The following CCT6B variants were observed in gnomAD, a reference collection of about 807,000 sequenced individuals.
The protein encoded by CCT6B is probable T-complex protein 1 subunit zeta-2.
Under a neutral mutation model 61.5 loss-of-function variants are expected in CCT6B, and 49 were observed. The ratio of observed to expected loss-of-function variants is 0.80; its 90% CI spans 0.63 to 1.01. The LOEUF (loss-of-function observed/expected upper bound fraction) is 1.01. Ranked by LOEUF, CCT6B falls within the 50% of genes least tolerant of loss-of-function variation. The pLI is 0.00. For synonymous variants in CCT6B, 228 were observed against 214.5 expected (o/e 1.06, Z -0.55); for missense variants, 666 against 634.7 (o/e 1.05, Z -0.53).
intron 7 of CCT6B, among the ~76,000 whole-genome samples, 170 bp from the exon 8 acceptor site, chr17:34,940,791 A>T (rs2142151369): frequency 6.6e-6 from 1 of 152,232 alleles, no homozygotes; most frequent in African/African-American, 2.4e-5. Context: ...AGAAATTTTT[A>T]AAATATTTAT....
chr17:34,941,874 G>A (rs948548715), intron 7 of CCT6B, among the ~76,000 whole-genome samples: 6 of 151,918 alleles, frequency 3.9e-5, no homozygotes, highest in South Asian at 4.1e-4. Flanking sequence ...CAGCCTCTAC[G>A]AAAAAACTTA....
intron 2 of CCT6B, among the ~76,000 whole-genome samples, chr17:34,959,283 T>C (rs1033644473): frequency 1.3e-5 from 2 of 149,626 alleles, no homozygotes; most frequent in Non-Finnish European, 3.0e-5. Context: ...GTCACCACAC[T>C]GAGCAAAATT....
chr17:34,957,186 C>T (rs1387401163), intron 3 of CCT6B, among the ~76,000 whole-genome samples: 1 of 147,688 alleles, frequency 6.8e-6, no homozygotes, highest in African/African-American at 2.5e-5. Flanking sequence ...CTCTTGTTGC[C>T]CAGGCTAGAG....
In CCT6B at chr17:34,931,063, A is replaced by T; in HGVS notation, c.1348-12T>A. ...TTCTGAGCAAGAACCTTTAGGAATA[A>T]AAATAATAATATATATTATATATAT... On this transcript the variant is annotated splice_polypyrimidine_tract_variant and intron_variant, in intron 11 of 13. Transcript: ENST00000314144. 1 of 1,090,750 alleles carries T rather than the reference A, an allele frequency of 9.2e-7. No individual in the cohort carries two copies. Among genetic ancestry groups the T allele is most frequent in the Non-Finnish European group, 1.3e-6 (1 of 756,940 alleles). The allele number at this position is 1,090,750 out of a possible 1,614,324, so 67.6% of individuals were successfully genotyped here. A position where few individuals can be genotyped will look rare whatever the true frequency, so the allele number is the denominator to read the frequency against.
chr17:34,951,955 A>C lies in CCT6B; in HGVS notation c.609T>G (p.Asp203Glu), dbSNP rs767165979. ...IMEMKHKLGT[D>E]TKLIQGLVLD... Reference sequence around the variant, plus strand: ...TCAAAGCTTATGTAATTTACTTTGTATCTGTTCCTAATTTATGCTTCATCT... The same window carrying C: ...TCAAAGCTTATGTAATTTACTTTGTCTCTGTTCCTAATTTATGCTTCATCT... Residue 203 changes from aspartate (D) to glutamate (E), a missense_variant, in exon 5 of 14, where the codon GAT becomes GAG. Coordinates refer to ENST00000314144, the MANE Select transcript of CCT6B (RefSeq NM_006584.4). The C allele has an allele frequency of 6.5e-7, 1 of 1,531,024 alleles. No homozygotes were observed. Among genetic ancestry groups the C allele is most frequent in the Admixed American group, 1.7e-5 (1 of 58,374 alleles). The allele number at this position is 1,531,024 out of a possible 1,614,324, so 94.8% of individuals were successfully genotyped here. A position where few individuals can be genotyped will look rare whatever the true frequency, so the allele number is the denominator to read the frequency against.
At chr17:34,958,473 A>C in intron 3 of CCT6B, 87 bp downstream of exon 3, 6 of 735,294 alleles carry the variant, frequency 8.2e-6, no homozygotes, top group Non-Finnish European at 9.9e-6. Flanking sequence ...ATTAAAACAA[A>C]ATTAACTGTC....
chr17:34,945,664 T>C (rs1477228192), intron 5 of CCT6B, among the ~76,000 whole-genome samples: 3 of 152,192 alleles, frequency 2.0e-5, no homozygotes, highest in East Asian at 1.9e-4. Context: ...CCGTTTTGTG[T>C]GTATTCCCCA....
intron 10 of CCT6B, among the ~76,000 whole-genome samples, chr17:34,935,714 T>C (rs1428107507): frequency 6.6e-6 from 1 of 151,968 alleles, no homozygotes; most frequent in Non-Finnish European, 1.5e-5. Flanking sequence ...AAAATTACCC[T>C]GGCATGGTGG....
At chr17:34,929,057 A>T (rs976188821) in intron 12 of CCT6B, 23 bp from the exon 13 acceptor site, 1 of 1,472,182 alleles carries the variant, frequency 6.8e-7, no homozygotes, top group Non-Finnish European at 9.5e-7. Flanking sequence ...AACAATTTTC[A>T]TACCAAAATC....
chr17:34,947,074 G>A lies in CCT6B; in HGVS notation c.615-4168C>T, dbSNP rs113586702. Among the ~76,000 whole-genome samples the A allele has an allele frequency of 1.9e-3, 287 of 152,270 alleles. 3 individuals carry two copies. Among genetic ancestry groups the A allele is most frequent in the African/African-American group, 6.3e-3 (260 of 41,556 alleles). ...AAATCAAGGGACTGGTTTTAAAGTA[G>A]AGTAGACATTGTTTAAGAGAAAATT... On this transcript the variant is annotated intron_variant, in intron 5 of 13. Coordinates refer to ENST00000314144, the MANE Select transcript of CCT6B (RefSeq NM_006584.4).
intron 3 of CCT6B, among the ~76,000 whole-genome samples, chr17:34,956,144 C>G (rs530167281): frequency 2.0e-5 from 3 of 152,322 alleles, no homozygotes; most frequent in Admixed American, 2.0e-4. Flanking sequence ...GGTTAGCATA[C>G]TACATGCCCT....
In CCT6B at chr17:34,958,619, T is replaced by A; in HGVS notation, c.277A>T (p.Thr93Ser). 1 of 1,601,474 alleles carries A rather than the reference T, an allele frequency of 6.2e-7. No individual in the cohort carries two copies. Among genetic ancestry groups the A allele is most frequent in the African/African-American group, 1.3e-5 (1 of 74,786 alleles). Residue 93 changes from threonine to serine, a missense_variant, in exon 3 of 14, where the codon ACT becomes TCT. Coordinates refer to ENST00000314144, the MANE Select transcript of CCT6B (RefSeq NM_006584.4). ...TCTCCAATAATTAGAACATTTGAAG[T>A]AGTACCATCTCCTGTGACGTCATCC... ...AQDDVTGDGT[T>S]SNVLIIGELL... is the part of the protein sequence containing the mutation.
intron 5 of CCT6B, among the ~76,000 whole-genome samples, chr17:34,947,005 G>A (rs748044451): frequency 1.1e-4 from 17 of 152,280 alleles, no homozygotes; most frequent in Non-Finnish European, 1.9e-4. Context: ...TATGATAGTT[G>A]CATTTTTCAG....
chr17:34,939,404 C>T (rs2090133420), intron 9 of CCT6B, 74 bp from the exon 10 acceptor site: 1 of 1,258,446 alleles, frequency 7.9e-7, no homozygotes, highest in Admixed American at 2.1e-5. Flanking sequence ...TACTAGAATA[C>T]AATCTTCATT....
At chr17:34,960,084 TTC>T (rs1226347332) in intron 1 of CCT6B, among the ~76,000 whole-genome samples, 2 of 152,192 alleles carry the variant, frequency 1.3e-5, no homozygotes, top group Non-Finnish European at 2.9e-5. Flanking sequence ...ATCTGCCACC[TTC>T]TCTCCATCTC....
At chr17:34,941,406 ATC>A (rs1307376767) in intron 7 of CCT6B, among the ~76,000 whole-genome samples, 2 of 152,236 alleles carry the variant, frequency 1.3e-5, no homozygotes, top group African/African-American at 4.8e-5. Flanking sequence ...AACTTTGCCT[ATC>A]TCAGTGAACA....
At chr17:34,949,054 G>A (rs1216782729) in intron 5 of CCT6B, among the ~76,000 whole-genome samples, 8 of 117,902 alleles carry the variant, frequency 6.8e-5, no homozygotes, top group East Asian at 2.4e-4. Flanking sequence ...AGAAAGGAAC[G>A]GAAAGGAAGG....
At chr17:34,961,214 C>T (rs781695366) in intron 1 of CCT6B, 43 bp downstream of exon 1, 4 of 1,564,272 alleles carry the variant, frequency 2.6e-6, no homozygotes, top group Non-Finnish European at 3.5e-6. Flanking sequence ...AGGACACCAA[C>T]GGGCCCCTAG....
At chr17:34,938,082 G>T (rs1182733054) in intron 10 of CCT6B, among the ~76,000 whole-genome samples, 2 of 151,840 alleles carry the variant, frequency 1.3e-5, no homozygotes, top group Non-Finnish European at 2.9e-5. Flanking sequence ...TAGAGGCATG[G>T]TCTTGCTATG....
Sources: gnomAD v4.1 joint callset for allele counts (sites outside exome capture counted in the v4.1 genomes callset) on GRCh38, gnomAD v4.1.1 for gene constraint, MANE v1.5 for transcripts, NCBI Gene and HGNC (gene_info 2026-07-23, HGNC 2026-07-21) for gene names.